CNBD1: variants seen among roughly 807,000 people sequenced by gnomAD.
CNBD1 encodes cyclic nucleotide-binding domain-containing protein 1.
A neutral mutation model predicts 54.4 loss-of-function variants in CNBD1; 71 were observed. That is an observed-to-expected ratio of 1.30 (90% CI 1.08 to 1.59). The LOEUF (loss-of-function observed/expected upper bound fraction) is 1.59, where lower values mean the gene tolerates loss of function less well. Ranked by LOEUF, CNBD1 falls within the 40% of genes most tolerant of loss-of-function variation. The pLI is 0.00. For synonymous variants in CNBD1, 182 were observed against 170.7 expected (o/e 1.07, Z -0.51); for missense variants, 659 against 518.0 (o/e 1.27, Z -2.64).
intron 10 of CNBD1, among the ~76,000 whole-genome samples, chr8:87,354,399 T>C (rs1159725227): frequency 6.6e-6 from 1 of 151,770 alleles, no homozygotes; most frequent in Non-Finnish European, 1.5e-5. Flanking sequence ...TAGGATTTCT[T>C]TTTTTTTAAT....
chr8:86,957,403 G>A (rs546396030), intron 4 of CNBD1, among the ~76,000 whole-genome samples: 2 of 152,292 alleles, frequency 1.3e-5, no homozygotes, highest in East Asian at 3.9e-4. Flanking sequence ...CAGAAGGAAT[G>A]GTACCAGCTC....
At chr8:87,298,188 T>C (rs1327606740) in intron 8 of CNBD1, among the ~76,000 whole-genome samples, 1 of 151,990 alleles carries the variant, frequency 6.6e-6, no homozygotes, top group Non-Finnish European at 1.5e-5. Flanking sequence ...ATAAAGGTAA[T>C]TTTATATTCC....
At chr8:87,366,334 G>A (rs1810641646) in intron 10 of CNBD1, among the ~76,000 whole-genome samples, 1 of 151,998 alleles carries the variant, frequency 6.6e-6, no homozygotes, top group Admixed American at 6.6e-5. Flanking sequence ...TGCAGCTGCA[G>A]AACTGAAATT....
chr8:87,367,170 T>C (rs1189941009), intron 10 of CNBD1, among the ~76,000 whole-genome samples: 1 of 152,064 alleles, frequency 6.6e-6, no homozygotes, highest in East Asian at 1.9e-4. Flanking sequence ...ACTCCTATAT[T>C]CTTTGTCCTG....
At position 87,382,585 on chromosome 8, in the gene CNBD1, A is replaced by T. The variant is rs772177580; in HGVS notation, c.1304-35A>T. 5.8e-5 allele frequency: 88 copies of T among 1,518,564 alleles called. No homozygotes were observed. The South Asian group carries it at 8.5e-4, about 15-fold the overall frequency. 94.1% of individuals were successfully genotyped at this position (1,518,564 alleles called of 1,614,324 possible). ...TAATTACCAAAAATGAGTATTTATT[A>T]TGTAACTTCTTGTTTGTTTGTTTGC... On this transcript the variant is annotated intron_variant, in intron 10 of 10. Coordinates refer to ENST00000518476, the MANE Select transcript of CNBD1 (RefSeq NM_173538.3).
At chr8:87,081,983 ACT>A (rs917755873) in intron 4 of CNBD1, among the ~76,000 whole-genome samples, 42 of 151,170 alleles carry the variant, frequency 2.8e-4, no homozygotes, top group African/African-American at 1.0e-3. Flanking sequence ...GCATTTTAAA[ACT>A]CTGCTGTTAG....
At chr8:86,957,356 G>T (rs1291499512) in intron 4 of CNBD1, among the ~76,000 whole-genome samples, 1 of 152,162 alleles carries the variant, frequency 6.6e-6, no homozygotes, top group Non-Finnish European at 1.5e-5. Context: ...AATGAGTTAG[G>T]GAGGATTCCC....
At chr8:86,906,287 T>C (rs1809015689) in intron 3 of CNBD1, among the ~76,000 whole-genome samples, 1 of 152,232 alleles carries the variant, frequency 6.6e-6, no homozygotes, top group Admixed American at 6.5e-5. Context: ...CCTATACCTT[T>C]CTTTTCTTTA....
At chr8:87,180,332 A>G (rs1419941340) in intron 4 of CNBD1, among the ~76,000 whole-genome samples, 1 of 152,200 alleles carries the variant, frequency 6.6e-6, no homozygotes, top group Non-Finnish European at 1.5e-5. Flanking sequence ...TACATATTAT[A>G]TATTTTTATC....
chr8:87,357,468 C>A (rs947638668), intron 10 of CNBD1, among the ~76,000 whole-genome samples: 1 of 152,152 alleles, frequency 6.6e-6, no homozygotes, highest in Non-Finnish European at 1.5e-5. Context: ...TCAACAGAGA[C>A]GATTTTGGAG....
intron 6 of CNBD1, among the ~76,000 whole-genome samples, chr8:87,256,012 T>TATATATAC (rs1808013895): frequency 1.0e-4 from 2 of 19,830 alleles, no homozygotes; most frequent in Non-Finnish European, 1.6e-4. Context: ...TATATATATA[T>TATATATAC]ATATTTTTTT....
At chr8:87,400,771 G>T (rs1414173309) in intron 2 of CNBD1, among the ~76,000 whole-genome samples, 2 of 151,966 alleles carry the variant, frequency 1.3e-5, no homozygotes, top group Non-Finnish European at 2.9e-5. Flanking sequence ...TCTGAGATAA[G>T]TAAAAGATAA....
rs1416462542 is a variant in CNBD1, at chr8:87,424,377, A to G, written c.214-4169A>G. ...TTTTAATTGTGATGTTAGGGTGTCA[A>G]TTTTGGATCTTTCCTGCTTTCTCTT... On this transcript the variant is annotated intron_variant, in intron 2 of 7. Transcript: ENST00000521593. Among the ~76,000 whole-genome samples, 6 of 152,010 alleles carry G rather than the reference A, an allele frequency of 3.9e-5. No individual in the cohort carries two copies. In the East Asian group the frequency reaches 9.7e-4, roughly 25 times the overall value.
In CNBD1 at chr8:86,991,342, T is replaced by G. The variant is rs117114345; in HGVS notation, c.431+51588T>G. Among the ~76,000 whole-genome samples the G allele has an allele frequency of 7.0e-3, 1,064 of 152,152 alleles. 11 individuals are homozygous for G. The highest frequency in any genetic ancestry group is 0.041 in the Middle Eastern group (12 of 294). On this transcript the variant is annotated intron_variant, in intron 4 of 10. Coordinates refer to ENST00000518476, the MANE Select transcript of CNBD1 (RefSeq NM_173538.3). ...TCATATATGGTTTTTATTTTTGTCA[T>G]TTATGATTGTACTTATTCAGATATT...
chr8:87,177,782 ATATC>A (rs1323259629), intron 4 of CNBD1, among the ~76,000 whole-genome samples: 4 of 152,210 alleles, frequency 2.6e-5, no homozygotes, highest in African/African-American at 9.6e-5. Flanking sequence ...CATTAAATAA[ATATC>A]TATTTTTTAA....
intron 4 of CNBD1, among the ~76,000 whole-genome samples, chr8:86,970,533 C>A (rs1808195962): frequency 1.3e-5 from 2 of 151,432 alleles, no homozygotes; most frequent in East Asian, 3.9e-4. Flanking sequence ...GCTGAAGTTT[C>A]AGGTATGAAT....
intron 2 of CNBD1, among the ~76,000 whole-genome samples, chr8:87,397,095 T>A (rs1811421154): frequency 6.6e-6 from 1 of 152,052 alleles, no homozygotes; most frequent in East Asian, 1.9e-4. Flanking sequence ...ATTTGACTGT[T>A]GCTCATTTTA....
intron 6 of CNBD1, among the ~76,000 whole-genome samples, chr8:87,281,947 C>T (rs1585981315): frequency 6.6e-6 from 1 of 151,288 alleles, no homozygotes; most frequent in East Asian, 1.9e-4. Context: ...TGGTTCATCT[C>T]TTCTGGAAAT....
chr8:86,969,713 T>C (rs1563841965), intron 4 of CNBD1, among the ~76,000 whole-genome samples: 1 of 151,670 alleles, frequency 6.6e-6, no homozygotes, highest in African/African-American at 2.4e-5. Flanking sequence ...TATTGTCTAA[T>C]ACAAATTAAT....
Sources: gnomAD v4.1 joint callset for allele counts (sites outside exome capture counted in the v4.1 genomes callset) on GRCh38, gnomAD v4.1.1 for gene constraint, MANE v1.5 for transcripts, NCBI Gene and HGNC (gene_info 2026-07-23, HGNC 2026-07-21) for gene names.